PALLD: variants seen among roughly 807,000 people sequenced by gnomAD.
PALLD encodes palladin.
In PALLD, 61 loss-of-function variants were observed where a neutral mutation model predicts 123.5. The observed-to-expected ratio is 0.49, with a 90% CI of 0.40 to 0.61. The LOEUF is 0.61. PALLD is among the 20% of genes least tolerant of loss of function. The probability of loss-of-function intolerance (pLI) is 0.00; values close to 1 mark genes in which losing one functional copy is unlikely to be tolerated. For missense variants in PALLD, 1,273 were observed against 1,377.0 expected, an observed-to-expected ratio of 0.92 and a Z score of 1.20; for synonymous variants, 465 against 496.4, an observed-to-expected ratio of 0.94 and a Z score of 0.84.
At chr4:168,681,673 T>C (rs1781567980) in intron 4 of PALLD, among the ~76,000 whole-genome samples, 1 of 151,054 alleles carries the variant, frequency 6.6e-6, no homozygotes. Flanking sequence ...GCCTCCCAAG[T>C]AGCTGGGATT....
intron 10 of PALLD, among the ~76,000 whole-genome samples, chr4:168,791,527 A>G (rs1368731562): frequency 6.6e-6 from 1 of 152,174 alleles, no homozygotes; most frequent in African/African-American, 2.4e-5. Context: ...ACACACTTAT[A>G]AAGCCATCAG....
At chr4:168,848,150 T>TCCCACCCCACCCCAC (rs544116092) in intron 10 of PALLD, among the ~76,000 whole-genome samples, 2 of 113,158 alleles carry the variant, frequency 1.8e-5, no homozygotes, top group Non-Finnish European at 3.7e-5. Flanking sequence ...CCTACCCCCG[T>TCCCACCCCACCCCAC]CCCACCCCAC....
intron 2 of PALLD, among the ~76,000 whole-genome samples, chr4:168,616,997 G>T (rs1291134265): frequency 2.0e-5 from 3 of 152,170 alleles, no homozygotes; most frequent in Non-Finnish European, 4.4e-5. Context: ...CATAAGTGCT[G>T]TGAGCAGCTT....
At chr4:168,521,093 G>C (rs1216646557) in intron 2 of PALLD, among the ~76,000 whole-genome samples, 1 of 152,046 alleles carries the variant, frequency 6.6e-6, no homozygotes, top group Non-Finnish European at 1.5e-5. Context: ...TGGTGTTTCA[G>C]TAGAATATTA....
chr4:168,817,223 G>A (rs1020094505), intron 10 of PALLD, among the ~76,000 whole-genome samples: 1 of 152,114 alleles, frequency 6.6e-6, no homozygotes, highest in Non-Finnish European at 1.5e-5. Flanking sequence ...AGTGGCAATG[G>A]CAATAATAAG....
In PALLD at chr4:168,511,647, G is replaced by C. The variant is rs995896228; in HGVS notation, c.143G>C (p.Arg48Thr). The change falls in exon 2 of 22, where the codon AGA becomes ACA. Residue 48 changes from arginine to threonine, a missense_variant. Arg to Thr is a moderately conservative substitution (Grantham distance 71, BLOSUM62 -1). Around this residue, in one of 2 missense-constraint regions of PALLD, gnomAD observed 944 missense variants for 954.5 expected, o/e 0.99. Transcript: ENST00000505667. ...EINKSLDLARRAIADSETEDF... is the reference protein window; with the variant it reads ...EINKSLDLARTAIADSETEDF... ...AACAAGAGTCTTGACCTGGCCCGGA[G>C]AGCCATAGCCGACTCCGAAACAGAA... is the stretch of plus-strand genomic sequence containing the variant. 5.0e-6 allele frequency: 8 copies of C among 1,614,064 alleles called. No individual in the cohort carries two copies. The East Asian group carries it at 6.7e-5, about 13-fold the overall frequency.
chr4:168,502,677 A>G (rs1761541623), intron 1 of PALLD, among the ~76,000 whole-genome samples: 1 of 152,210 alleles, frequency 6.6e-6, no homozygotes, highest in African/African-American at 2.4e-5. Flanking sequence ...AGGCAGGAGG[A>G]GCCCTTGAGT....
intron 2 of PALLD, among the ~76,000 whole-genome samples, chr4:168,621,066 G>GA (rs1270864848): frequency 6.6e-6 from 1 of 152,138 alleles, no homozygotes; most frequent in African/African-American, 2.4e-5. Flanking sequence ...CACACAACTT[G>GA]AAAACTGCAA....
intron 6 of PALLD, among the ~76,000 whole-genome samples, chr4:168,685,810 GAAAAAAA>G (rs70961550): frequency 1.5e-5 from 1 of 65,666 alleles, no homozygotes; most frequent in East Asian, 5.4e-4. Context: ...AAGACAGATA[GAAAAAAA>G]AAAAAAAAAA....
intron 10 of PALLD, among the ~76,000 whole-genome samples, chr4:168,729,849 A>T (rs1383768589): frequency 1.3e-5 from 2 of 152,154 alleles, no homozygotes; most frequent in Non-Finnish European, 2.9e-5. Flanking sequence ...GGCTAGGTTT[A>T]AGAGTATGGG....
intron 10 of PALLD, among the ~76,000 whole-genome samples, chr4:168,758,200 A>T (rs1732164348): frequency 6.7e-6 from 1 of 149,020 alleles, no homozygotes; most frequent in Admixed American, 6.7e-5. Context: ...CCTTCCTGCT[A>T]TTTTTTTTTT....
At chr4:168,611,282 T>C (rs1275983312) in intron 2 of PALLD, among the ~76,000 whole-genome samples, 1 of 152,130 alleles carries the variant, frequency 6.6e-6, no homozygotes, top group Non-Finnish European at 1.5e-5. Context: ...CCACCAACAA[T>C]GAAAATTCAG....
At chr4:168,612,068 G>A (rs993414790) in intron 2 of PALLD, among the ~76,000 whole-genome samples, 1 of 152,152 alleles carries the variant, frequency 6.6e-6, no homozygotes, top group Non-Finnish European at 1.5e-5. Flanking sequence ...GCTGAAGTGG[G>A]AGGACCACTT....
chr4:168,551,446 G>A (rs576032980), intron 2 of PALLD, among the ~76,000 whole-genome samples: 1 of 152,114 alleles, frequency 6.6e-6, no homozygotes, highest in African/African-American at 2.4e-5. Flanking sequence ...TTCTTTTATT[G>A]TGTAAATGGT....
intron 2 of PALLD, among the ~76,000 whole-genome samples, chr4:168,666,267 C>T (rs1259779772): frequency 6.6e-6 from 1 of 152,100 alleles, no homozygotes; most frequent in Non-Finnish European, 1.5e-5. Flanking sequence ...GCTTCATTTT[C>T]CCCCAGTAGG....
chr4:168,499,728 A>T (rs1354103883), intron 1 of PALLD, among the ~76,000 whole-genome samples: 4 of 152,058 alleles, frequency 2.6e-5, no homozygotes, highest in African/African-American at 9.7e-5. Flanking sequence ...ATTTTCATAT[A>T]TTTATTCCTA....
chr4:168,561,298 A>G (rs1253973341), intron 2 of PALLD, among the ~76,000 whole-genome samples: 1 of 151,916 alleles, frequency 6.6e-6, no homozygotes, highest in Non-Finnish European at 1.5e-5. Flanking sequence ...GCCTCACTCT[A>G]TCGCCCAGGC....
At chr4:168,795,436 C>T (rs1438599207) in intron 10 of PALLD, among the ~76,000 whole-genome samples, 1 of 152,098 alleles carries the variant, frequency 6.6e-6, no homozygotes, top group Non-Finnish European at 1.5e-5. Flanking sequence ...ATATATGTTG[C>T]CATTTTAAAT....
At chr4:168,731,905 T>A (rs1448905421) in intron 10 of PALLD, among the ~76,000 whole-genome samples, 2 of 152,232 alleles carry the variant, frequency 1.3e-5, no homozygotes, top group Admixed American at 1.3e-4. Context: ...CAAGTGGTTC[T>A]TTTGTGCAAA....
Sources: gnomAD v4.1 joint callset for allele counts (sites outside exome capture counted in the v4.1 genomes callset) on GRCh38, gnomAD v4.1.1 for gene constraint, gnomAD v4.1.1 regional missense constraint, MANE v1.5 for transcripts, NCBI Gene and HGNC (gene_info 2026-07-23, HGNC 2026-07-21) for gene names.